Variants in SLC35F1 observed in about 807,000 individuals in gnomAD.
SLC35F1 encodes the protein chromosome 6 open reading frame 169.
Under a neutral mutation model 48.7 loss-of-function variants are expected in SLC35F1, and 14 were observed. The ratio of observed to expected loss-of-function variants is 0.29; its 90% confidence interval spans 0.19 to 0.45. The LOEUF is 0.45. Ranked by LOEUF, SLC35F1 falls within the 20% of genes least tolerant of loss-of-function variation. The pLI is 1.00. For missense variants in SLC35F1, 404 were observed against 500.0 expected, an observed-to-expected ratio of 0.81 and a Z score of 1.83; for synonymous variants, 190 against 202.2, an observed-to-expected ratio of 0.94 and a Z score of 0.51.
At chr6:118,105,413 C>T (rs1470339374) in intron 1 of SLC35F1, among the ~76,000 whole-genome samples, 26 of 152,298 alleles carry the variant, frequency 1.7e-4, no homozygotes, top group Admixed American at 5.9e-4. Flanking sequence ...TATGTCTACC[C>T]GGTGGACCTT....
chr6:117,990,528 G>A (rs1163669763), intron 1 of SLC35F1, among the ~76,000 whole-genome samples: 1 of 152,164 alleles, frequency 6.6e-6, no homozygotes, highest in Non-Finnish European at 1.5e-5. Flanking sequence ...GTACAAAATA[G>A]TGCAGCTCAA....
chr6:118,090,269 C>T (rs893556864), intron 1 of SLC35F1, among the ~76,000 whole-genome samples: 1 of 152,068 alleles, frequency 6.6e-6, no homozygotes, highest in Non-Finnish European at 1.5e-5. Context: ...TCATTTAGTC[C>T]TAGAAATGGG....
intron 6 of SLC35F1, among the ~76,000 whole-genome samples, chr6:118,283,363 T>C (rs1776008282): frequency 6.6e-6 from 1 of 152,214 alleles, no homozygotes; most frequent in Admixed American, 6.5e-5. Context: ...ATAGCATTAA[T>C]AGCAACTCTA....
At chr6:118,145,492 G>A (rs748864133) in intron 1 of SLC35F1, among the ~76,000 whole-genome samples, 2 of 151,942 alleles carry the variant, frequency 1.3e-5, no homozygotes, top group Admixed American at 1.3e-4. Flanking sequence ...ACACAAAAAA[G>A]GTCAATTAAA....
At chr6:118,246,533 C>T (rs1005826022) in intron 3 of SLC35F1, among the ~76,000 whole-genome samples, 2 of 152,110 alleles carry the variant, frequency 1.3e-5, no homozygotes, top group African/African-American at 4.8e-5. Flanking sequence ...CCAGAGGTGA[C>T]ACCTGAACAG....
chr6:117,947,508 C>A (rs1162452576), intron 1 of SLC35F1, among the ~76,000 whole-genome samples: 1 of 152,058 alleles, frequency 6.6e-6, no homozygotes, highest in African/African-American at 2.4e-5. Context: ...AAGAGACAGT[C>A]ATAAGTGGGC....
intron 2 of SLC35F1, among the ~76,000 whole-genome samples, chr6:118,220,648 G>A (rs1319795348): frequency 6.6e-6 from 1 of 152,184 alleles, no homozygotes; most frequent in African/African-American, 2.4e-5. Flanking sequence ...AATGTCTGGG[G>A]TGGAGCCCAG....
chr6:118,162,961 CTTT>C (rs574750899), intron 2 of SLC35F1, among the ~76,000 whole-genome samples: 7 of 143,360 alleles, frequency 4.9e-5, no homozygotes, highest in African/African-American at 5.1e-5. Flanking sequence ...TCTTTTCTTT[CTTT>C]TTTTTTTTTT....
intron 1 of SLC35F1, among the ~76,000 whole-genome samples, chr6:117,951,056 A>G (rs909603984): frequency 2.0e-5 from 3 of 152,230 alleles, no homozygotes; most frequent in Non-Finnish European, 4.4e-5. Context: ...TTCTATTCTT[A>G]GGCTCGAATG....
At chr6:118,203,401 C>G (rs544814873) in intron 2 of SLC35F1, among the ~76,000 whole-genome samples, 4 of 152,238 alleles carry the variant, frequency 2.6e-5, no homozygotes, top group African/African-American at 4.8e-5. Context: ...TTCCAGAAAT[C>G]AAAGCAGGAT....
At chr6:118,307,653 T>C (rs1405700355) in intron 7 of SLC35F1, among the ~76,000 whole-genome samples, 4 of 152,224 alleles carry the variant, frequency 2.6e-5, no homozygotes, top group South Asian at 2.1e-4. Flanking sequence ...CTTGTTGGTC[T>C]AGTGCAGAGC....
intron 1 of SLC35F1, among the ~76,000 whole-genome samples, chr6:117,923,629 A>ATACG (rs1775940934): frequency 7.8e-5 from 6 of 77,372 alleles, no homozygotes; most frequent in East Asian, 7.3e-4. Context: ...GTATATATAC[A>ATACG]TATATGTACA....
At chr6:118,302,254 G>A (rs1214806634) in intron 7 of SLC35F1, among the ~76,000 whole-genome samples, 1 of 151,940 alleles carries the variant, frequency 6.6e-6, no homozygotes, top group Admixed American at 6.6e-5. Context: ...TGTGAGAGAA[G>A]GAATGTTAAA....
intron 1 of SLC35F1, among the ~76,000 whole-genome samples, chr6:118,064,680 A>G (rs147779299): frequency 7.9e-5 from 12 of 152,316 alleles, no homozygotes; most frequent in African/African-American, 2.9e-4. Flanking sequence ...TTAATTTTCT[A>G]TGAATACAAA....
chr6:117,940,897 C>T (rs542078976), intron 1 of SLC35F1, among the ~76,000 whole-genome samples: 1 of 152,306 alleles, frequency 6.6e-6, no homozygotes, highest in South Asian at 2.1e-4. Flanking sequence ...GATCCACCCA[C>T]CTGGGCCTCT....
chr6:118,039,827 G>A lies in SLC35F1; in HGVS notation c.174-114618G>A, dbSNP rs1485574777. ...TTTTTTGTTTTTTTTTTTTGCTTCA[G>A]ACTGGCTTACTTATTTCTACTTCTT... is the stretch of plus-strand genomic sequence containing the variant. On this transcript the variant is annotated intron_variant, in intron 1 of 7. Coordinates refer to ENST00000360388, the MANE Select transcript of SLC35F1 (RefSeq NM_001029858.4). Among the ~76,000 whole-genome samples, 6 of 65,686 alleles carry A rather than the reference G, an allele frequency of 9.1e-5. No individual in the cohort carries two copies. The Admixed American group carries it at 1.1e-3, about 12-fold the overall frequency. 43.1% of individuals were successfully genotyped at this position (65,686 alleles called of 152,430 possible). A position where few individuals can be genotyped will look rare whatever the true frequency, so the allele number is the denominator to read the frequency against.
At chr6:118,138,739 T>C (rs1042451966) in intron 1 of SLC35F1, among the ~76,000 whole-genome samples, 1 of 152,172 alleles carries the variant, frequency 6.6e-6, no homozygotes, top group Non-Finnish European at 1.5e-5. Context: ...AGTGGAGTTA[T>C]TTGACCCTGC....
At chr6:118,233,244 C>T (rs868354518) in intron 2 of SLC35F1, among the ~76,000 whole-genome samples, 1 of 152,214 alleles carries the variant, frequency 6.6e-6, no homozygotes, top group Non-Finnish European at 1.5e-5. Context: ...GGATTACAGG[C>T]GTGAGCCACC....
chr6:118,247,474 G>T (rs976556469), intron 3 of SLC35F1, among the ~76,000 whole-genome samples: 98 of 152,282 alleles, frequency 6.4e-4, no homozygotes, highest in African/African-American at 2.3e-3. Context: ...AGTACCAGGG[G>T]CTAAGCTTTG....
Sources: gnomAD v4.1 joint callset for allele counts (sites outside exome capture counted in the v4.1 genomes callset) on GRCh38, gnomAD v4.1.1 for gene constraint, MANE v1.5 for transcripts, NCBI Gene and HGNC (gene_info 2026-07-23, HGNC 2026-07-21) for gene names.